The following GLDC variants were observed in gnomAD, a reference collection of about 807,000 sequenced individuals.
GLDC encodes glycine decarboxylase, also known as glycine dehydrogenase (decarboxylating), mitochondrial.
GLDC carries 104 observed loss-of-function variants against 121.3 expected under a neutral mutation model. The observed-to-expected ratio is 0.86, with a 90% CI of 0.73 to 1.01. The LOEUF is 1.01. GLDC is among the 50% of genes least tolerant of loss of function. GLDC has a pLI of 0.00. For missense variants in GLDC, 1,429 were observed against 1,306.6 expected (o/e 1.09, Z -1.44); for synonymous variants, 546 against 480.6 (o/e 1.14, Z -1.78).
chr9:6,598,956 G>A (rs10975671), intron 8 of GLDC, among the ~76,000 whole-genome samples: 28,065 of 151,578 alleles, frequency 0.19, 3,486 homozygotes, highest in Non-Finnish European at 0.27. Context: ...CAAGGCGGGC[G>A]GATCACCTGA....
chr9:6,616,501 A>G (rs1267630971), intron 3 of GLDC, among the ~76,000 whole-genome samples: 3 of 152,220 alleles, frequency 2.0e-5, no homozygotes, highest in African/African-American at 7.2e-5. Flanking sequence ...CTTAACAATG[A>G]TCTATTAAAG....
At chr9:6,627,705 C>T (rs1819274523) in intron 2 of GLDC, among the ~76,000 whole-genome samples, 1 of 152,166 alleles carries the variant, frequency 6.6e-6, no homozygotes, top group South Asian at 2.1e-4. Flanking sequence ...AAAAACTTCC[C>T]AGCTAGAAGC....
chr9:6,561,207 A>G (rs1817751401), intron 16 of GLDC, among the ~76,000 whole-genome samples: 1 of 152,258 alleles, frequency 6.6e-6, no homozygotes, highest in Non-Finnish European at 1.5e-5. Context: ...ACTAATACAC[A>G]TCCTGGTACA....
chr9:6,644,892 C>T (rs909324883), intron 1 of GLDC, 200 bp from the exon 2 acceptor site: 1 of 633,388 alleles, frequency 1.6e-6, no homozygotes. Context: ...TTCCGCCACT[C>T]GGGGTTGGAT....
chr9:6,625,670 A>C (rs529880906), intron 2 of GLDC, among the ~76,000 whole-genome samples: 31 of 152,342 alleles, frequency 2.0e-4, no homozygotes, highest in Admixed American at 1.6e-3. Context: ...AGAGGTGCTC[A>C]AATGTGTTGT....
At chr9:6,608,191 A>T (rs1043568871) in intron 4 of GLDC, among the ~76,000 whole-genome samples, 2 of 151,772 alleles carry the variant, frequency 1.3e-5, no homozygotes, top group African/African-American at 4.8e-5. Context: ...AGGCGGGCAG[A>T]TCACGAGGTC....
At chr9:6,607,016 T>C (rs2129905090) in intron 4 of GLDC, among the ~76,000 whole-genome samples, 2 of 151,768 alleles carry the variant, frequency 1.3e-5, no homozygotes, top group African/African-American at 4.8e-5. Flanking sequence ...TGAGCCAAGA[T>C]TGCACCGCTG....
At chr9:6,603,167 G>A (rs1004948173) in intron 7 of GLDC, among the ~76,000 whole-genome samples, 17 of 151,824 alleles carry the variant, frequency 1.1e-4, no homozygotes, top group African/African-American at 4.1e-4. Flanking sequence ...GGCAGAGGTT[G>A]CAGTGAGCCA....
intron 2 of GLDC, among the ~76,000 whole-genome samples, chr9:6,630,597 TA>T (rs1202437026): frequency 6.6e-6 from 1 of 151,916 alleles, no homozygotes; most frequent in Non-Finnish European, 1.5e-5. Context: ...TGCTAGAGGG[TA>T]AGGGGAAAGC....
At chr9:6,568,604 T>G (rs147218239) in intron 15 of GLDC, among the ~76,000 whole-genome samples, 1,754 of 152,158 alleles carry the variant, frequency 0.012, 23 homozygotes, top group African/African-American at 0.04. Flanking sequence ...TCCTAACACT[T>G]TGGGAGGCCA....
chr9:6,617,561 A>G (rs940112360), intron 3 of GLDC, among the ~76,000 whole-genome samples: 4 of 152,242 alleles, frequency 2.6e-5, no homozygotes, highest in African/African-American at 9.6e-5. Flanking sequence ...ATGAAAAAGA[A>G]GCCTTCATCA....
chr9:6,625,663 G>C (rs931943333), intron 2 of GLDC, among the ~76,000 whole-genome samples: 1 of 152,160 alleles, frequency 6.6e-6, no homozygotes, highest in African/African-American at 2.4e-5. Context: ...TGCATATAGA[G>C]GTGCTCAAAT....
chr9:6,555,385 G>C (rs1263796426), intron 18 of GLDC, among the ~76,000 whole-genome samples: 1 of 152,090 alleles, frequency 6.6e-6, no homozygotes, highest in Admixed American at 6.5e-5. Context: ...CAAAGGTACA[G>C]AATTCATTTA....
At chr9:6,578,135 T>C (rs983814036) in intron 15 of GLDC, among the ~76,000 whole-genome samples, 2 of 151,860 alleles carry the variant, frequency 1.3e-5, no homozygotes, top group Non-Finnish European at 2.9e-5. Context: ...GGCTTCTTTT[T>C]TTTTCGAGAC....
At chr9:6,568,499 G>C (rs1426515121) in intron 15 of GLDC, among the ~76,000 whole-genome samples, 1 of 152,126 alleles carries the variant, frequency 6.6e-6, no homozygotes, top group Non-Finnish European at 1.5e-5. Flanking sequence ...CAGTGAACGG[G>C]GAGCCTCAGA....
chr9:6,570,625 G>A (rs1435394195), intron 15 of GLDC, among the ~76,000 whole-genome samples: 2 of 152,048 alleles, frequency 1.3e-5, no homozygotes, highest in African/African-American at 4.8e-5. Context: ...AGGCTGAGAC[G>A]GGCAGATCAC....
intron 15 of GLDC, among the ~76,000 whole-genome samples, chr9:6,581,153 G>C (rs1818163948): frequency 6.6e-6 from 1 of 152,206 alleles, no homozygotes; most frequent in African/African-American, 2.4e-5. Flanking sequence ...TGAAGAACAA[G>C]TGTTGCTAAC....
At position 6,610,216 on chromosome 9, in the gene GLDC, G is replaced by A. The variant is rs1190684061; in HGVS notation, c.611C>T (p.Ala204Val). ...CCTGTAGCACAGCTGCAGTGCCTCT[G>A]CGGCTGCAGTCCCCTCATCCAGCAG... ...ASLLDEGTAA[A>V]EALQLCYRHN... Residue 204 changes from alanine to valine, a missense_variant, in exon 4 of 25, where the codon GCA (alanine) becomes GTA (valine). Transcript: ENST00000321612. 4 of 1,612,836 alleles carry A rather than the reference G, an allele frequency of 2.5e-6. No homozygotes were observed. The African/African-American group carries it at 5.3e-5, about 22-fold the overall frequency.
intron 2 of GLDC, among the ~76,000 whole-genome samples, chr9:6,640,158 C>A (rs190497197): frequency 2.6e-5 from 4 of 152,342 alleles, no homozygotes; most frequent in East Asian, 3.9e-4. Context: ...AGTCTGACTC[C>A]CTTGCTACAG....
Sources: allele counts gnomAD v4.1 joint callset (sites outside exome capture counted in the v4.1 genomes callset), GRCh38; gene constraint gnomAD v4.1.1; transcripts MANE v1.5; gene names NCBI Gene and HGNC (gene_info 2026-07-23, HGNC 2026-07-21).